The following FBXL17 variants were observed in gnomAD, a reference collection of about 807,000 sequenced individuals.
FBXL17 encodes F-box/LRR-repeat protein 17.
A neutral mutation model predicts 66.2 loss-of-function variants in FBXL17; 22 were observed. The ratio of observed to expected loss-of-function variants is 0.33; its 90% confidence interval spans 0.24 to 0.47. FBXL17 has a LOEUF of 0.47. Ranked by LOEUF, FBXL17 falls within the 20% of genes least tolerant of loss-of-function variation. FBXL17 has a pLI of 1.00. For missense variants in FBXL17, 878 were observed against 948.2 expected, an observed-to-expected ratio of 0.93 and a Z score of 0.97; for synonymous variants, 474 against 400.5, an observed-to-expected ratio of 1.18 and a Z score of -2.19.
intron 7 of FBXL17, among the ~76,000 whole-genome samples, chr5:107,967,161 A>T (rs1191140010): frequency 6.6e-6 from 1 of 151,186 alleles, no homozygotes; most frequent in African/African-American, 2.4e-5. Context: ...TAGGATTTCA[A>T]TTTTTTTTTC....
chr5:108,305,136 G>T (rs1446209693), intron 4 of FBXL17, among the ~76,000 whole-genome samples: 1 of 152,082 alleles, frequency 6.6e-6, no homozygotes, highest in Non-Finnish European at 1.5e-5. Flanking sequence ...GCAGGAAAAA[G>T]TAAGTGTATA....
intron 7 of FBXL17, among the ~76,000 whole-genome samples, chr5:107,897,115 G>A (rs1376160531): frequency 6.6e-6 from 1 of 152,080 alleles, no homozygotes; most frequent in African/African-American, 2.4e-5. Context: ...AATAGGAGAA[G>A]CAGCTTCTGT....
chr5:108,174,748 C>CAAAAA (rs34237156), intron 6 of FBXL17, among the ~76,000 whole-genome samples: 6 of 92,524 alleles, frequency 6.5e-5, no homozygotes, highest in African/African-American at 1.3e-4. Context: ...CACAAAGAAG[C>CAAAAA]AAAAAAAAAA....
intron 7 of FBXL17, among the ~76,000 whole-genome samples, chr5:108,009,232 T>TATATATATATAC (rs1298294744): frequency 5.3e-5 from 1 of 18,996 alleles, no homozygotes; most frequent in African/African-American, 1.9e-4. Flanking sequence ...TATATATATA[T>TATATATATATAC]ACAGCTTGGT....
At chr5:107,880,409 G>C in intron 8 of FBXL17, 1 of 987,072 alleles carries the variant, frequency 1.0e-6, no homozygotes, top group South Asian at 4.7e-5. Flanking sequence ...AGGGTCCCAC[G>C]TTAAATGCTA....
At chr5:108,047,716 C>A (rs1747311445) in intron 6 of FBXL17, among the ~76,000 whole-genome samples, 1 of 152,192 alleles carries the variant, frequency 6.6e-6, no homozygotes, top group African/African-American at 2.4e-5. Flanking sequence ...TCTGACCCAT[C>A]CTTCCTCACT....
intron 6 of FBXL17, among the ~76,000 whole-genome samples, chr5:108,049,639 A>T (rs554726025): frequency 6.6e-6 from 1 of 152,316 alleles, no homozygotes; most frequent in African/African-American, 2.4e-5. Flanking sequence ...AATCACACCA[A>T]AATATAAAGA....
At chr5:107,886,585 A>G (rs918893076) in intron 7 of FBXL17, among the ~76,000 whole-genome samples, 5 of 152,126 alleles carry the variant, frequency 3.3e-5, no homozygotes, top group Admixed American at 1.3e-4. Flanking sequence ...AAAAGCTTTT[A>G]AAACAATGGG....
chr5:108,347,468 T>C (rs1348598900), intron 4 of FBXL17, among the ~76,000 whole-genome samples: 1 of 152,148 alleles, frequency 6.6e-6, no homozygotes, highest in African/African-American at 2.4e-5. Flanking sequence ...GTACCTATCA[T>C]ATAAAAACAT....
chr5:108,155,742 AG>A (rs201813939), intron 6 of FBXL17, among the ~76,000 whole-genome samples: 1,680 of 152,294 alleles, frequency 0.011, 40 homozygotes, highest in African/African-American at 0.038. Flanking sequence ...AAATGCCATC[AG>A]AGTTCAGATA....
At chr5:107,971,479 T>C (rs1037933248) in intron 7 of FBXL17, among the ~76,000 whole-genome samples, 2 of 152,208 alleles carry the variant, frequency 1.3e-5, no homozygotes, top group African/African-American at 4.8e-5. Context: ...CGTGTAAAAC[T>C]ATGCTATTTT....
intron 3 of FBXL17, among the ~76,000 whole-genome samples, chr5:108,360,619 C>T (rs1748284319): frequency 6.6e-6 from 1 of 152,000 alleles, no homozygotes; most frequent in Non-Finnish European, 1.5e-5. Flanking sequence ...CGTATAGATG[C>T]GTATCTTCCA....
Position 107,860,858 on chromosome 5 carries a change from C to A in FBXL17, c.*862G>T, listed in dbSNP as rs909545198. On this transcript the variant is annotated 3_prime_UTR_variant, in exon 9 of 9. Transcript: ENST00000542267. ...CTGTAGTTTTTAAAATAACTGCACA[C>A]CATTAATTACATTGGTGGCTTCAAT... The A allele has an allele frequency of 5.9e-5, 9 of 152,100 alleles. No individual in the cohort carries two copies. Among genetic ancestry groups the A allele is most frequent in the Non-Finnish European group, 1.0e-4 (7 of 68,014 alleles). The allele number at this position is 152,100 out of a possible 1,614,324, so 9.4% of individuals were successfully genotyped here. A position where few individuals can be genotyped will look rare whatever the true frequency, so the allele number is the denominator to read the frequency against.
At chr5:107,992,767 A>T (rs1176634575) in intron 7 of FBXL17, among the ~76,000 whole-genome samples, 1 of 152,122 alleles carries the variant, frequency 6.6e-6, no homozygotes, top group South Asian at 2.1e-4. Flanking sequence ...ATCCCTACCT[A>T]CTTCCCTTAT....
chr5:107,952,875 T>C (rs1005867183), intron 7 of FBXL17, among the ~76,000 whole-genome samples: 2 of 152,134 alleles, frequency 1.3e-5, no homozygotes, highest in Admixed American at 6.6e-5. Context: ...AAATATTCAA[T>C]CCAAATAACT....
rs966359982 is a variant in FBXL17 at position 108,136,544 on chromosome 5, A to G, written c.1745+49573T>C. 2.6e-5 allele frequency among the ~76,000 whole-genome samples: 4 copies of G among 152,182 alleles called. No individual in the cohort carries two copies. In the East Asian group the frequency reaches 5.8e-4, roughly 22 times the overall value. On this transcript the variant is annotated intron_variant, in intron 6 of 8. Transcript: ENST00000542267. Reference sequence around the variant, plus strand: ...TGAAGCAAAGGACTACAGTCAAAGAAATAGCTGAATAGCTTCTGCAGCCAA... The same window carrying G: ...TGAAGCAAAGGACTACAGTCAAAGAGATAGCTGAATAGCTTCTGCAGCCAA...
intron 6 of FBXL17, among the ~76,000 whole-genome samples, chr5:108,164,292 G>T: frequency 6.6e-6 from 1 of 152,176 alleles, no homozygotes; most frequent in Non-Finnish European, 1.5e-5. Context: ...CAGAAGGTTT[G>T]TTCCTGTTAG....
intron 5 of FBXL17, among the ~76,000 whole-genome samples, chr5:108,223,258 T>A (rs1754950899): frequency 6.6e-6 from 1 of 152,146 alleles, no homozygotes; most frequent in African/African-American, 2.4e-5. Context: ...CTCAAAGAGA[T>A]CTGAAGACAT....
At chr5:108,236,004 CA>C (rs144434677) in intron 4 of FBXL17, among the ~76,000 whole-genome samples, 1 of 151,970 alleles carries the variant, frequency 6.6e-6, no homozygotes, top group Non-Finnish European at 1.5e-5. Context: ...AGAGAATTTC[CA>C]AAAAAATCAA....
Sources: allele counts gnomAD v4.1 joint callset (sites outside exome capture counted in the v4.1 genomes callset), GRCh38; gene constraint gnomAD v4.1.1; transcripts MANE v1.5; gene names NCBI Gene and HGNC (gene_info 2026-07-23, HGNC 2026-07-21).